LOC128462377: variants seen among roughly 807,000 people sequenced by gnomAD.
chr16:89,385,500 G>A, the LOC128462377 span, among the ~76,000 whole-genome samples: 4 of 152,016 alleles, frequency 2.6e-5, no homozygotes, highest in East Asian at 1.9e-4. Context: ...AGGGAAGGGC[G>A]CCAGAGACAC....
chr16:89,336,533 C>T, the LOC128462377 span, among the ~76,000 whole-genome samples: 1 of 152,176 alleles, frequency 6.6e-6, no homozygotes, highest in Non-Finnish European at 1.5e-5. Flanking sequence ...ATGTCCTCTA[C>T]AATTAAGAGC....
At chr16:89,366,679 T>C in the LOC128462377 span, among the ~76,000 whole-genome samples, 1 of 152,290 alleles carries the variant, frequency 6.6e-6, no homozygotes, top group Non-Finnish European at 1.5e-5. Flanking sequence ...TGCTGAGACA[T>C]GTCTAGACAG....
chr16:89,369,083 A>C, the LOC128462377 span, among the ~76,000 whole-genome samples: 1 of 152,108 alleles, frequency 6.6e-6, no homozygotes, highest in African/African-American at 2.4e-5. Flanking sequence ...GCTGCCCTAC[A>C]ATGATCACAT....
chr16:89,334,172 A>AAAAG, the LOC128462377 span, among the ~76,000 whole-genome samples: 4 of 148,972 alleles, frequency 2.7e-5, no homozygotes, highest in African/African-American at 7.5e-5. Flanking sequence ...AAAAAAAAAA[A>AAAAG]ACAGAGAGAG....
At chr16:89,361,519 TTTC>T in the LOC128462377 span, 1 of 152,250 alleles carries the variant, frequency 6.6e-6, no homozygotes, top group Non-Finnish European at 1.5e-5. Context: ...TAACAAGTGT[TTTC>T]TTCTTTGGTT....
At chr16:89,356,788 AAAAAAAAG>A in the LOC128462377 span, among the ~76,000 whole-genome samples, 1 of 151,142 alleles carries the variant, frequency 6.6e-6, no homozygotes, top group African/African-American at 2.4e-5. Flanking sequence ...CTCAAAAAAA[AAAAAAAAG>A]AAAAAAGAAA....
At chr16:89,342,017 TGCTGCACCTCC>T in the LOC128462377 span, among the ~76,000 whole-genome samples, 53 of 47,964 alleles carry the variant, frequency 1.1e-3, 1 homozygote, top group African/African-American at 3.0e-3. Flanking sequence ...ACGGCGGGAG[TGCTGCACCTCC>T]ACTGCCCACA....
chr16:89,364,579 T>C, the LOC128462377 span, among the ~76,000 whole-genome samples: 1 of 152,210 alleles, frequency 6.6e-6, no homozygotes, highest in African/African-American at 2.4e-5. Context: ...TCCAATCTTT[T>C]GACCTCCCTG....
At chr16:89,400,825 G>A in the LOC128462377 span, among the ~76,000 whole-genome samples, 1 of 150,820 alleles carries the variant, frequency 6.6e-6, no homozygotes, top group South Asian at 2.1e-4. Flanking sequence ...CCCTGCGCTG[G>A]AGGCTGGTCA....
the LOC128462377 span, among the ~76,000 whole-genome samples, chr16:89,354,700 G>A: frequency 4.1e-4 from 63 of 152,288 alleles, no homozygotes; most frequent in South Asian, 1.9e-3. Flanking sequence ...TGGCTAACAC[G>A]GTGAAACCAC....
chr16:89,409,261 G>T, the LOC128462377 span, among the ~76,000 whole-genome samples: 17 of 152,186 alleles, frequency 1.1e-4, no homozygotes, highest in Non-Finnish European at 4.4e-5. Flanking sequence ...CCAAGTCCTG[G>T]TGTTAGAATA....
chr16:89,368,202 CT>C, the LOC128462377 span, among the ~76,000 whole-genome samples: 121 of 144,468 alleles, frequency 8.4e-4, no homozygotes, highest in Non-Finnish European at 7.7e-4. Context: ...TGTTTTCGAG[CT>C]TTTTTTTTTT....
chr16:89,337,426 A>ATTTTTTTTT, the LOC128462377 span, among the ~76,000 whole-genome samples: 59 of 43,742 alleles, frequency 1.3e-3, no homozygotes, highest in Non-Finnish European at 2.0e-3. Context: ...GGTCTAAGCA[A>ATTTTTTTTT]TTCTTTTTTT....
chr16:89,386,165 G>A, the LOC128462377 span, among the ~76,000 whole-genome samples: 3 of 152,112 alleles, frequency 2.0e-5, no homozygotes, highest in African/African-American at 7.2e-5. Flanking sequence ...GGCTTCCAAT[G>A]AACAATTCAT....
chr16:89,331,467 T>C, the LOC128462377 span, among the ~76,000 whole-genome samples: 4 of 152,054 alleles, frequency 2.6e-5, no homozygotes, highest in Non-Finnish European at 5.9e-5. Flanking sequence ...TTAAAAGACA[T>C]CAAAGAATCT....
chr16:89,318,960 C>T, the LOC128462377 span, among the ~76,000 whole-genome samples: 1 of 152,174 alleles, frequency 6.6e-6, no homozygotes, highest in African/African-American at 2.4e-5. Context: ...CACCACAAAA[C>T]CGGAATGTCT....
chr16:89,354,340 G>A, the LOC128462377 span, among the ~76,000 whole-genome samples: 1 of 147,002 alleles, frequency 6.8e-6, no homozygotes, highest in Non-Finnish European at 1.5e-5. Context: ...AATCTTTTTT[G>A]AAGTCTCAAA....
At chr16:89,348,055 T>A in the LOC128462377 span, among the ~76,000 whole-genome samples, 1 of 151,938 alleles carries the variant, frequency 6.6e-6, no homozygotes, top group Non-Finnish European at 1.5e-5. Context: ...CACCTCAGCC[T>A]CCAGGGTAAC....
the LOC128462377 span, among the ~76,000 whole-genome samples, chr16:89,338,424 T>C: frequency 1.6e-5 from 2 of 127,040 alleles, no homozygotes; most frequent in Admixed American, 1.6e-4. Flanking sequence ...TACACTCTGT[T>C]AAAAAAAAAA....
Sources: gnomAD v4.1 joint callset for allele counts (sites outside exome capture counted in the v4.1 genomes callset) on GRCh38, gnomAD v4.1.1 for gene constraint, MANE v1.5 for transcripts.